The following XIRP2 variants were observed in gnomAD, a reference collection of about 807,000 sequenced individuals.
XIRP2 encodes the protein xin actin-binding repeat-containing protein 2.
XIRP2 carries 236 observed loss-of-function variants against 277.0 expected under a neutral mutation model. The observed-to-expected ratio is 0.85, with a 90% confidence interval of 0.77 to 0.95. The LOEUF (loss-of-function observed/expected upper bound fraction) is 0.95. XIRP2 is among the 40% of genes least tolerant of loss of function. The pLI, the probability that XIRP2 is intolerant of heterozygous loss-of-function variation, is 0.00. For missense variants in XIRP2, 4,640 were observed against 4,157.5 expected (o/e 1.12, Z -3.19); for synonymous variants, 1,490 against 1,416.5 (o/e 1.05, Z -1.17).
Position 167,242,193 on chromosome 2 carries a change from C to T in XIRP2, c.1176+283C>T, listed in dbSNP as rs146822685. Among the ~76,000 whole-genome samples the T allele has an allele frequency of 5.9e-3, 895 of 152,206 alleles. 7 individuals are homozygous for T. The highest frequency in any genetic ancestry group is 9.5e-3 in the Non-Finnish European group (643 of 68,012). On this transcript the variant is annotated intron_variant, in intron 8 of 10. Transcript: ENST00000409195. ...ATCAATTTTAAATGCCAGATGCTTACTCTGTTCTGTTTTAAATTCCAAGGA... is the reference window on the plus strand; with the variant it reads ...ATCAATTTTAAATGCCAGATGCTTATTCTGTTCTGTTTTAAATTCCAAGGA...
chr2:166,966,371 T>C (rs911001165), intron 2 of XIRP2, among the ~76,000 whole-genome samples: 1 of 151,858 alleles, frequency 6.6e-6, no homozygotes, highest in African/African-American at 2.4e-5. Context: ...TATACCTAAA[T>C]TTGAAAATGT....
At chr2:167,018,601 CA>C (rs1267590894) in intron 2 of XIRP2, among the ~76,000 whole-genome samples, 1 of 151,982 alleles carries the variant, frequency 6.6e-6, no homozygotes, top group African/African-American at 2.4e-5. Flanking sequence ...CCACATCCCA[CA>C]AGAATGGACC....
intron 5 of XIRP2, among the ~76,000 whole-genome samples, chr2:167,221,723 G>T (rs1248579979): frequency 6.6e-6 from 1 of 152,102 alleles, no homozygotes. Flanking sequence ...TACCTAAGAT[G>T]TTGTCAATTC....
chr2:166,933,779 T>C (rs1685415366), intron 2 of XIRP2, among the ~76,000 whole-genome samples: 1 of 152,204 alleles, frequency 6.6e-6, no homozygotes, highest in African/African-American at 2.4e-5. Flanking sequence ...ATTACAAAGC[T>C]ACAATAATGA....
intron 2 of XIRP2, among the ~76,000 whole-genome samples, chr2:167,079,946 A>G (rs1689683222): frequency 6.7e-6 from 1 of 148,326 alleles, no homozygotes; most frequent in African/African-American, 2.5e-5. Context: ...ATTTTTTGTT[A>G]TTGTTGTTTT....
In XIRP2 at chr2:167,258,074, C is replaced by T. The variant is rs767944884; in HGVS notation, c.*257C>T. 6.2e-6 allele frequency: 10 copies of T among 1,612,654 alleles called. No individual in the cohort carries two copies. Among genetic ancestry groups the T allele is most frequent in the African/African-American group, 2.7e-5 (2 of 74,694 alleles). Reference sequence around the variant, plus strand: ...AGAAAACACCCTTGTACCTGGAGATCGTAATGAACATTTAGATGCTGGTAA... The same window carrying T: ...AGAAAACACCCTTGTACCTGGAGATTGTAATGAACATTTAGATGCTGGTAA... On this transcript the variant is annotated 3_prime_UTR_variant, in exon 11 of 11. Transcript: ENST00000409195.
intron 2 of XIRP2, among the ~76,000 whole-genome samples, chr2:167,044,431 G>A (rs1243693816): frequency 1.3e-5 from 2 of 152,000 alleles, no homozygotes; most frequent in African/African-American, 4.8e-5. Context: ...AGAGCAATCA[G>A]GCAAGAGAAA....
chr2:167,098,360 C>G (rs975087187), intron 2 of XIRP2, among the ~76,000 whole-genome samples: 1 of 152,140 alleles, frequency 6.6e-6, no homozygotes. Flanking sequence ...CTTGTGTATA[C>G]TTCATGAAGT....
chr2:166,937,007 A>G (rs1685537782), intron 2 of XIRP2, among the ~76,000 whole-genome samples: 1 of 152,114 alleles, frequency 6.6e-6, no homozygotes, highest in Non-Finnish European at 1.5e-5. Context: ...CTTGGGGAGT[A>G]TGGCCATTTT....
chr2:167,251,894 C>A lies in XIRP2; in HGVS notation c.10502C>A (p.Ala3501Asp). Residue 3501 changes from alanine (A) to aspartate (D), a missense_variant, in exon 9 of 11, where the codon GCT (alanine) becomes GAT (aspartate). Transcript: ENST00000409195. Reference sequence around the variant, plus strand: ...GGCCTGGGATATGCAACCGCAGATGCTTCTGCAACTGAGATGAGAACCACC... The same window carrying A: ...GGCCTGGGATATGCAACCGCAGATGATTCTGCAACTGAGATGAGAACCACC... ...FKGLGYATAD[A>D]SATEMRTTFQ... The A allele has an allele frequency of 6.3e-7, 1 of 1,595,126 alleles. No homozygotes were observed. The highest frequency in any genetic ancestry group is 2.2e-5 in the East Asian group (1 of 44,778).
chr2:167,150,661 G>T (rs1040719239), intron 3 of XIRP2, among the ~76,000 whole-genome samples: 1 of 151,900 alleles, frequency 6.6e-6, no homozygotes, highest in Non-Finnish European at 1.5e-5. Context: ...TTTATAGGAA[G>T]AAATCATTGT....
intron 2 of XIRP2, among the ~76,000 whole-genome samples, chr2:167,108,900 T>C (rs1344079744): frequency 6.6e-6 from 1 of 151,956 alleles, no homozygotes; most frequent in Admixed American, 6.6e-5. Context: ...CAGAGGTACA[T>C]GCATAAGTTT....
intron 2 of XIRP2, among the ~76,000 whole-genome samples, chr2:167,001,542 AC>A (rs1329360749): frequency 6.6e-6 from 1 of 152,170 alleles, no homozygotes; most frequent in Non-Finnish European, 1.5e-5. Flanking sequence ...AAAATATGGT[AC>A]TAGAAATAAC....
rs369068245 is a variant in XIRP2, at chr2:167,244,420, G to A, written c.3028G>A (p.Val1010Ile). 7.4e-5 allele frequency: 120 copies of A among 1,613,606 alleles called. 1 individual carries two copies. The highest frequency in any genetic ancestry group is 4.9e-4 in the Middle Eastern group (3 of 6,076). ...QVKTVQQEEI[V>I]RGDVRSCRWL... is the part of the protein sequence containing the mutation. ...AAAGACAGTCCAGCAAGAAGAAATCGTAAGAGGTGATGTAAGAAGCTGTAG... is the reference window on the plus strand; with the variant it reads ...AAAGACAGTCCAGCAAGAAGAAATCATAAGAGGTGATGTAAGAAGCTGTAG... The change falls in exon 9 of 11, where the codon GTA becomes ATA. Residue 1010 changes from valine to isoleucine, a missense_variant. Physicochemically the swap from Val to Ile is conservative, Grantham distance 29. Transcript: ENST00000409195.
chr2:167,147,028 G>C (rs1691881312), intron 3 of XIRP2, among the ~76,000 whole-genome samples: 1 of 152,004 alleles, frequency 6.6e-6, no homozygotes, highest in South Asian at 2.1e-4. Context: ...TTTAATTTAA[G>C]AATGAGGACA....
intron 2 of XIRP2, among the ~76,000 whole-genome samples, chr2:166,946,987 T>C (rs1295475475): frequency 6.6e-6 from 1 of 152,120 alleles, no homozygotes; most frequent in Non-Finnish European, 1.5e-5. Context: ...ATGAAAGGCA[T>C]AGCCCCCACA....
chr2:167,099,023 C>G (rs75176435), intron 2 of XIRP2, among the ~76,000 whole-genome samples: 12,448 of 152,214 alleles, frequency 0.082, 557 homozygotes, highest in South Asian at 0.16. Context: ...CTTAGCAGAG[C>G]TAAAGCACTA....
At chr2:167,068,617 T>C (rs949735289) in intron 2 of XIRP2, among the ~76,000 whole-genome samples, 1 of 151,862 alleles carries the variant, frequency 6.6e-6, no homozygotes, top group African/African-American at 2.4e-5. Flanking sequence ...CTTTTTTTTT[T>C]CCTTTTTTAA....
intron 2 of XIRP2, among the ~76,000 whole-genome samples, chr2:167,083,402 G>C (rs1196608403): frequency 1.3e-5 from 2 of 152,200 alleles, no homozygotes; most frequent in African/African-American, 4.8e-5. Flanking sequence ...TGTTCTTTTT[G>C]CTTAGGATTG....
Sources: allele counts gnomAD v4.1 joint callset (sites outside exome capture counted in the v4.1 genomes callset), GRCh38; gene constraint gnomAD v4.1.1; transcripts MANE v1.5; gene names NCBI Gene and HGNC (gene_info 2026-07-23, HGNC 2026-07-21).